The following SLC9A8 variants were observed in gnomAD, a reference collection of about 807,000 sequenced individuals.
SLC9A8 encodes the protein solute carrier family 9 member A8.
A neutral mutation model predicts 66.6 loss-of-function variants in SLC9A8; 48 were observed. The ratio of observed to expected loss-of-function variants is 0.72; its 90% CI spans 0.57 to 0.92. SLC9A8 has a LOEUF of 0.92. Among genes scored for constraint, SLC9A8 ranks in the 40% least tolerant of loss-of-function variants. The probability of loss-of-function intolerance (pLI) is 0.00; values close to 1 mark genes in which losing one functional copy is unlikely to be tolerated. For missense variants in SLC9A8, 599 were observed against 747.3 expected (o/e 0.80, Z 2.31); for synonymous variants, 274 against 282.6 (o/e 0.97, Z 0.31).
At chr20:49,855,704 C>A in intron 8 of SLC9A8, 123 bp downstream of exon 8, 1 of 885,498 alleles carries the variant, frequency 1.1e-6, no homozygotes, top group Non-Finnish European at 1.7e-6. Flanking sequence ...GATCAGTTCA[C>A]CCACTCTCTT....
intron 8 of SLC9A8, among the ~76,000 whole-genome samples, chr20:49,856,621 A>G (rs568199131): frequency 6.6e-6 from 1 of 152,312 alleles, no homozygotes; most frequent in South Asian, 2.1e-4. Flanking sequence ...CAGGAGTTCA[A>G]GACCAGCCTG....
chr20:49,823,684 G>A (rs752980534), intron 3 of SLC9A8, among the ~76,000 whole-genome samples: 6 of 152,132 alleles, frequency 3.9e-5, no homozygotes, highest in African/African-American at 9.7e-5. Context: ...GAATGAACCC[G>A]TGTAATAACA....
At chr20:49,826,678 C>T (rs937788705) in intron 3 of SLC9A8, among the ~76,000 whole-genome samples, 4 of 152,098 alleles carry the variant, frequency 2.6e-5, no homozygotes, top group Non-Finnish European at 4.4e-5. Flanking sequence ...GGCCCCTGTT[C>T]GAAGCTTTCA....
intron 3 of SLC9A8, among the ~76,000 whole-genome samples, chr20:49,834,606 CAA>C (rs2087457721): frequency 6.6e-6 from 1 of 151,182 alleles, no homozygotes; most frequent in Non-Finnish European, 1.5e-5. Flanking sequence ...GCCTCAATCT[CAA>C]GAGGTAAAGT....
rs749787592 is a variant in SLC9A8 at position 49,883,869 on chromosome 20, G to T, written c.1294G>T (p.Ala432Ser). 1 of 1,607,966 alleles carries T rather than the reference G, an allele frequency of 6.2e-7. No homozygotes were observed. The highest frequency in any genetic ancestry group is 1.1e-5 in the South Asian group (1 of 91,082). ...AGGCCTGCGGGGAGCCATCCCCTATGCCCTGAGCCTACACCTGGACCTGGA... is the reference window on the plus strand; with the variant it reads ...AGGCCTGCGGGGAGCCATCCCCTATTCCCTGAGCCTACACCTGGACCTGGA... ...FSGLRGAIPY[A>S]LSLHLDLEPM... The change falls in exon 14 of 16, where the codon GCC becomes TCC. Residue 432 changes from alanine to serine, a missense_variant. This residue lies in a region of SLC9A8 where 467 missense variants were observed against 626.5 expected (regional missense o/e 0.75). Coordinates refer to ENST00000361573, the MANE Select transcript of SLC9A8 (RefSeq NM_015266.3).
intron 10 of SLC9A8, among the ~76,000 whole-genome samples, chr20:49,867,115 G>A (rs957870524): frequency 6.6e-6 from 1 of 152,074 alleles, no homozygotes; most frequent in East Asian, 1.9e-4. Context: ...GATTTTTCTT[G>A]TGCTTATAGG....
intron 10 of SLC9A8, among the ~76,000 whole-genome samples, chr20:49,867,023 CAT>C (rs746052061): frequency 2.8e-4 from 42 of 152,292 alleles, no homozygotes; most frequent in Non-Finnish European, 5.3e-4. Context: ...GCATATGAAA[CAT>C]AGAAATTTCT....
At position 49,830,104 on chromosome 20, in the gene SLC9A8, A is replaced by G. The variant is rs2087111523; in HGVS notation, c.289+6963A>G. ...ATTTCCATCATTTCCTGCTAAGCCA[A>G]ACAAGCCATCTCTGTCTGTTACCAG... On this transcript the variant is annotated intron_variant, in intron 3 of 15. Transcript: ENST00000361573. The G allele has an allele frequency of 4.0e-6, 3 of 747,416 alleles. No homozygotes were observed. The South Asian group carries it at 4.0e-5, about 10-fold the overall frequency. The allele number at this position is 747,416 out of a possible 1,614,324, so 46.3% of individuals were successfully genotyped here.
intron 3 of SLC9A8, chr20:49,830,497 TG>T: frequency 1.3e-6 from 1 of 773,618 alleles, no homozygotes; most frequent in Non-Finnish European, 2.3e-6. Flanking sequence ...AAGTGCTACG[TG>T]GACATGTCAA....
chr20:49,824,930 T>TG (rs2086863497), intron 3 of SLC9A8, among the ~76,000 whole-genome samples: 1 of 152,248 alleles, frequency 6.6e-6, no homozygotes, highest in South Asian at 2.1e-4. Flanking sequence ...GATGAGGTAG[T>TG]GGGTCCTGGA....
intron 4 of SLC9A8, among the ~76,000 whole-genome samples, chr20:49,844,426 C>A (rs557503600): frequency 6.6e-6 from 1 of 151,992 alleles, no homozygotes; most frequent in Non-Finnish European, 1.5e-5. Context: ...AATTTTCTTT[C>A]TGTACTAAGG....
At chr20:49,881,669 A>G (rs1018453275) in intron 13 of SLC9A8, among the ~76,000 whole-genome samples, 5 of 152,226 alleles carry the variant, frequency 3.3e-5, no homozygotes, top group African/African-American at 1.2e-4. Flanking sequence ...GCAACACACT[A>G]TAATGTTCTC....
intron 3 of SLC9A8, chr20:49,829,688 C>T (rs1400971864): frequency 4.4e-5 from 21 of 475,300 alleles, no homozygotes; most frequent in African/African-American, 2.2e-4. Flanking sequence ...CGGTGGATGC[C>T]GCCAAAGAGT....
chr20:49,874,929 G>C (rs1356606884), intron 11 of SLC9A8, 108 bp downstream of exon 11: 1 of 767,980 alleles, frequency 1.3e-6, no homozygotes, highest in Non-Finnish European at 2.4e-6. Flanking sequence ...CAGGGCAGCA[G>C]CTCCTCAGAG....
chr20:49,830,319 A>C, intron 3 of SLC9A8: 2 of 1,075,974 alleles, frequency 1.9e-6, no homozygotes, highest in Non-Finnish European at 1.4e-6. Flanking sequence ...CTGGAACCGC[A>C]CTGCCAAGAA....
intron 5 of SLC9A8, 126 bp from the exon 6 acceptor site, chr20:49,849,453 C>T: frequency 1.5e-6 from 1 of 684,688 alleles, no homozygotes; most frequent in South Asian, 1.8e-5. Context: ...GCTTGCCACA[C>T]AGGTTGGGCA....
At chr20:49,875,906 G>GT (rs752974538) in intron 11 of SLC9A8, among the ~76,000 whole-genome samples, 2 of 151,890 alleles carry the variant, frequency 1.3e-5, no homozygotes, top group Non-Finnish European at 2.9e-5. Context: ...GACTAATTTT[G>GT]TTTTTTGTAT....
chr20:49,819,569 A>G (rs2086665337), intron 2 of SLC9A8, among the ~76,000 whole-genome samples: 1 of 152,102 alleles, frequency 6.6e-6, no homozygotes, highest in Non-Finnish European at 1.5e-5. Flanking sequence ...TACATTTACA[A>G]TTTTAACCAC....
At chr20:49,832,073 G>A (rs567141518) in intron 3 of SLC9A8, among the ~76,000 whole-genome samples, 2 of 152,206 alleles carry the variant, frequency 1.3e-5, no homozygotes, top group African/African-American at 4.8e-5. Flanking sequence ...CTCTGACCTT[G>A]GTCTCCTCCC....
Sources: gnomAD v4.1 joint callset for allele counts (sites outside exome capture counted in the v4.1 genomes callset) on GRCh38, gnomAD v4.1.1 for gene constraint, gnomAD v4.1.1 regional missense constraint, MANE v1.5 for transcripts, NCBI Gene and HGNC (gene_info 2026-07-23, HGNC 2026-07-21) for gene names.